Variants in ITGA9 observed in about 807,000 individuals in gnomAD.
The protein encoded by ITGA9 is integrin subunit alpha 9.
In ITGA9, 56 loss-of-function variants were observed where a neutral mutation model predicts 127.8. The observed-to-expected ratio is 0.44, with a 90% CI of 0.35 to 0.55. The LOEUF (loss-of-function observed/expected upper bound fraction) is 0.55, where lower values mean the gene tolerates loss of function less well. Among genes scored for constraint, ITGA9 ranks in the 20% least tolerant of loss-of-function variants. ITGA9 has a pLI of 0.00. For missense variants in ITGA9, 1,196 were observed against 1,347.1 expected (o/e 0.89, Z 1.76); for synonymous variants, 508 against 514.5 (o/e 0.99, Z 0.17).
At chr3:37,704,132 T>G (rs907003542) in intron 18 of ITGA9, among the ~76,000 whole-genome samples, 1 of 152,176 alleles carries the variant, frequency 6.6e-6, no homozygotes, top group Non-Finnish European at 1.5e-5. Context: ...GCCAGGTGCT[T>G]TGTGAATTAG....
intron 3 of ITGA9, among the ~76,000 whole-genome samples, chr3:37,475,352 T>C (rs538692268): frequency 1.8e-4 from 28 of 152,354 alleles, no homozygotes; most frequent in African/African-American, 6.5e-4. Flanking sequence ...AGTTTGCTCC[T>C]GTGAAAATAT....
At chr3:37,678,290 A>G (rs1163016834) in intron 17 of ITGA9, among the ~76,000 whole-genome samples, 2 of 152,216 alleles carry the variant, frequency 1.3e-5, no homozygotes, top group Non-Finnish European at 2.9e-5. Flanking sequence ...GTTCCTACCA[A>G]CAGTGCACAA....
intron 25 of ITGA9, among the ~76,000 whole-genome samples, chr3:37,783,419 G>A (rs1293385159): frequency 6.6e-6 from 1 of 152,130 alleles, no homozygotes; most frequent in African/African-American, 2.4e-5. Flanking sequence ...ATAGCTCACT[G>A]CAGCCTCAAA....
intron 15 of ITGA9, among the ~76,000 whole-genome samples, chr3:37,543,777 A>G (rs767064760): frequency 1.3e-5 from 2 of 152,176 alleles, no homozygotes; most frequent in African/African-American, 4.8e-5. Context: ...CCACACACCC[A>G]TGGCCCAGAG....
intron 15 of ITGA9, chr3:37,585,606 T>G (rs183595442): frequency 3.5e-5 from 18 of 515,246 alleles, no homozygotes; most frequent in African/African-American, 3.5e-4. Flanking sequence ...CAGATGTGAT[T>G]TATGCCATAT....
intron 27 of ITGA9, among the ~76,000 whole-genome samples, chr3:37,812,331 G>T (rs1184521189): frequency 1.3e-5 from 2 of 152,212 alleles, no homozygotes; most frequent in Non-Finnish European, 2.9e-5. Context: ...ATTTGTCCCA[G>T]GTCCTCAGAA....
chr3:37,564,313 AT>A (rs1445456669), intron 15 of ITGA9, among the ~76,000 whole-genome samples: 2 of 152,212 alleles, frequency 1.3e-5, no homozygotes, highest in Non-Finnish European at 2.9e-5. Flanking sequence ...GATGTTTCAT[AT>A]GTAGAGATTT....
At chr3:37,759,903 C>CAA (rs1162012330) in intron 23 of ITGA9, among the ~76,000 whole-genome samples, 1 of 132,454 alleles carries the variant, frequency 7.5e-6, no homozygotes, top group African/African-American at 2.8e-5. Context: ...GACTCCATCT[C>CAA]AAAAAAAAAA....
intron 4 of ITGA9, 87 bp downstream of exon 4, chr3:37,481,694 A>G: frequency 6.5e-7 from 1 of 1,535,810 alleles, no homozygotes; most frequent in Non-Finnish European, 9.0e-7. Context: ...CCAGCTGAAC[A>G]TTTCCCCAGC....
chr3:37,472,896 C>T (rs549937310), intron 2 of ITGA9, among the ~76,000 whole-genome samples: 2 of 151,190 alleles, frequency 1.3e-5, no homozygotes, highest in Non-Finnish European at 1.5e-5. Context: ...CCCAGCACTT[C>T]GGGAGGTTGG....
At chr3:37,517,684 C>T (rs1347233934) in intron 10 of ITGA9, 75 bp downstream of exon 10, 13 of 1,049,420 alleles carry the variant, frequency 1.2e-5, no homozygotes, top group Middle Eastern at 2.8e-4. Flanking sequence ...GCAGCCTGCT[C>T]GCTGACTGTC....
chr3:37,695,033 G>A (rs1439969669), intron 18 of ITGA9, among the ~76,000 whole-genome samples: 2 of 152,162 alleles, frequency 1.3e-5, no homozygotes, highest in Non-Finnish European at 2.9e-5. Flanking sequence ...CCCTCAGAGC[G>A]TGGCCTCAGC....
At chr3:37,562,535 C>T (rs1185670134) in intron 15 of ITGA9, among the ~76,000 whole-genome samples, 6 of 152,194 alleles carry the variant, frequency 3.9e-5, no homozygotes, top group African/African-American at 1.4e-4. Context: ...TCCTCATCAG[C>T]GACAGTGGTA....
chr3:37,803,688 C>T (rs1321019861), intron 26 of ITGA9, 135 bp from the exon 27 acceptor site: 17 of 951,914 alleles, frequency 1.8e-5, no homozygotes, highest in Middle Eastern at 2.9e-4. Flanking sequence ...GCAGGAGAAT[C>T]GCTTGAACCC....
chr3:37,812,869 G>C (rs1292123517), intron 27 of ITGA9, among the ~76,000 whole-genome samples: 2 of 152,246 alleles, frequency 1.3e-5, no homozygotes, highest in Non-Finnish European at 2.9e-5. Flanking sequence ...AAGTGAGTGT[G>C]GGGCTGCTGG....
chr3:37,687,711 C>T (rs1035150073), intron 18 of ITGA9, among the ~76,000 whole-genome samples: 1 of 152,166 alleles, frequency 6.6e-6, no homozygotes, highest in African/African-American at 2.4e-5. Context: ...TTAAATTCAA[C>T]ACACAGCCAA....
In ITGA9 at chr3:37,690,431, C is replaced by T. The variant is rs193201674; in HGVS notation, c.2067+6416C>T. Among the ~76,000 whole-genome samples, 557 of 152,304 alleles carry T rather than the reference C, an allele frequency of 3.7e-3. 8 individuals carry two copies. Among genetic ancestry groups the T allele is most frequent in the African/African-American group, 0.013 (521 of 41,564 alleles). ...AGAAATCTCCCCTCCCCACCTCATT[C>T]TGTTTTGTTTTTAGCCCATTCTGGA... On this transcript the variant is annotated intron_variant, in intron 18 of 27. Transcript: ENST00000264741.
intron 15 of ITGA9, among the ~76,000 whole-genome samples, chr3:37,576,984 G>A (rs1029161444): frequency 7.9e-5 from 12 of 152,370 alleles, no homozygotes; most frequent in African/African-American, 2.9e-4. Context: ...TCACAGTCAT[G>A]TGTGGCTAGG....
In ITGA9 at chr3:37,803,846, TC is replaced by T; in HGVS notation, c.2914del (p.Leu972TrpfsTer116). On this transcript the variant is annotated frameshift_variant, in exon 27 of 28. Transcript: ENST00000264741. LOFTEE classifies it high-confidence loss of function. ...VTVVFEALHN[L>X]EPRGYVVGWI... ...AGGTGGTCTTCGAGGCCCTGCACAATCTGGAGCCCCGTGGCTACGTCGTGGG... is the reference window on the plus strand; with the variant it reads ...AGGTGGTCTTCGAGGCCCTGCACAATTGGAGCCCCGTGGCTACGTCGTGGG... 1.2e-6 allele frequency: 2 copies of T among 1,614,156 alleles called. No individual in the cohort carries two copies. The highest frequency in any genetic ancestry group is 1.7e-6 in the Non-Finnish European group (2 of 1,180,020).
Sources: allele counts gnomAD v4.1 joint callset (sites outside exome capture counted in the v4.1 genomes callset), GRCh38; gene constraint gnomAD v4.1.1; transcripts MANE v1.5; gene names NCBI Gene and HGNC (gene_info 2026-07-23, HGNC 2026-07-21).